The following NPHS1 variants were observed in gnomAD, a reference collection of about 807,000 sequenced individuals.
The protein encoded by NPHS1 is nephrin.
In NPHS1, 107 loss-of-function variants were observed where a neutral mutation model predicts 139.7. The observed-to-expected ratio is 0.77, with a 90% CI of 0.66 to 0.90. The LOEUF is 0.90. NPHS1 is among the 40% of genes least tolerant of loss of function. The probability of loss-of-function intolerance (pLI) is 0.00; values close to 1 mark genes in which losing one functional copy is unlikely to be tolerated. For missense variants in NPHS1, 1,580 were observed against 1,654.2 expected, an observed-to-expected ratio of 0.96 and a Z score of 0.78; for synonymous variants, 707 against 706.6, an observed-to-expected ratio of 1.00 and a Z score of -0.01.
intron 22 of NPHS1, among the ~76,000 whole-genome samples, chr19:35,837,587 TTCTCTC>T (rs58943001): frequency 1.0e-4 from 15 of 149,164 alleles, no homozygotes; most frequent in South Asian, 2.1e-4. Context: ...GCTTCTTTCT[TTCTCTC>T]TCTCTCTCTC....
intron 22 of NPHS1, among the ~76,000 whole-genome samples, chr19:35,837,951 A>AAAAAAC (rs1555761313): frequency 6.6e-6 from 1 of 151,412 alleles, no homozygotes; most frequent in Non-Finnish European, 1.5e-5. Flanking sequence ...AAAAAAAAAA[A>AAAAAAC]AAAAAAAAAC....
Position 35,842,149 on chromosome 19 carries a change from C to A in NPHS1, c.2638G>T (p.Val880Phe). 5.0e-6 allele frequency: 8 copies of A among 1,607,342 alleles called. No homozygotes were observed. Among genetic ancestry groups the A allele is most frequent in the Non-Finnish European group, 6.8e-6 (8 of 1,177,534 alleles). ...NIVFTWTKNG[V>F]PLDLQDPRYT... ...CTGGGATCTTGGAGATCCAGAGGGA[C>A]CCCGTTTTTTGTCCAAGTGAAAACG... The change falls in exon 19 of 29, where the codon GTC becomes TTC. Residue 880 changes from valine to phenylalanine, a missense_variant. By Grantham distance (50) the Val-to-Phe change is conservative. Coordinates refer to ENST00000378910, the MANE Select transcript of NPHS1 (RefSeq NM_004646.4).
intron 17 of NPHS1, 26 bp downstream of exon 17, chr19:35,843,446 C>G: frequency 6.2e-7 from 1 of 1,613,748 alleles, no homozygotes; most frequent in Non-Finnish European, 8.5e-7. Flanking sequence ...GACCCCACCT[C>G]TATTCACCAA....
At chr19:35,827,238 C>T (rs913069894) in intron 28 of NPHS1, among the ~76,000 whole-genome samples, 5 of 151,996 alleles carry the variant, frequency 3.3e-5, no homozygotes, top group African/African-American at 1.2e-4. Context: ...GTCTCAGCCT[C>T]CCAAAGTGCT....
intron 11 of NPHS1, among the ~76,000 whole-genome samples, chr19:35,847,499 C>A (rs1973161556): frequency 6.6e-6 from 1 of 151,636 alleles, no homozygotes; most frequent in Non-Finnish European, 1.5e-5. Context: ...GGATTACAGG[C>A]CCCCGCCACC....
rs757106709 is a variant in NPHS1, at chr19:35,844,100, C to T, written c.2212+3G>A. The T allele has an allele frequency of 3.6e-5, 57 of 1,605,624 alleles. No individual in the cohort carries two copies. The highest frequency in any genetic ancestry group is 3.9e-5 in the Non-Finnish European group (46 of 1,179,258). On this transcript the variant is annotated splice_donor_region_variant and intron_variant, in intron 16 of 28. Coordinates refer to ENST00000378910, the MANE Select transcript of NPHS1 (RefSeq NM_004646.4). ...TGTGGTTTCCATGGTGGGCGGGGCT[C>T]ACAGTGCACGTCCAGCCGCAGCCGC...
rs576056388 is a variant in NPHS1 at position 35,825,634 on chromosome 19, C to T, written c.*880G>A. 1.2e-4 allele frequency among the ~76,000 whole-genome samples: 19 copies of T among 152,228 alleles called. No homozygotes were observed. The highest frequency in any genetic ancestry group is 4.3e-4 in the African/African-American group (18 of 41,538). The stretch of plus-strand genomic sequence containing the variant: ...TTGCCTATTTTAGAATTTCTATAAA[C>T]GAAAGCACACACACAGTACATATTC... On this transcript the variant is annotated 3_prime_UTR_variant, in exon 29 of 29. Transcript: ENST00000378910.
At position 35,825,372 on chromosome 19, in the gene NPHS1, C is replaced by G. The variant is rs1008652732; in HGVS notation, c.*1142G>C. Among the ~76,000 whole-genome samples the G allele has an allele frequency of 2.0e-5, 3 of 151,864 alleles. No homozygotes were observed. The highest frequency in any genetic ancestry group is 4.4e-5 in the Non-Finnish European group (3 of 67,938). ...CTCTTACTGGGCTGTTATTATGAAG[C>G]CTGTTTTTAAAATCACTTTTATTGA... On this transcript the variant is annotated 3_prime_UTR_variant, in exon 29 of 29. Coordinates refer to ENST00000378910, the MANE Select transcript of NPHS1 (RefSeq NM_004646.4).
In NPHS1 at chr19:35,831,554, G is replaced by A. The variant is rs113650287; in HGVS notation, c.3287-54C>T. ...TGACCCTATGCAAGCCCCCCACCCC[G>A]GCCCCAGGAAGACCTTCAGTATGCA... On this transcript the variant is annotated intron_variant, in intron 24 of 28. Coordinates refer to ENST00000378910, the MANE Select transcript of NPHS1 (RefSeq NM_004646.4). The A allele has an allele frequency of 0.12, 178,066 of 1,460,560 alleles. 10,885 individuals are homozygous for A. The highest frequency in any genetic ancestry group is 0.14 in the Middle Eastern group (801 of 5,770). 90.5% of individuals were successfully genotyped at this position (1,460,560 alleles called of 1,614,324 possible). A position where few individuals can be genotyped will look rare whatever the true frequency, so the allele number is the denominator to read the frequency against.
chr19:35,852,304 GTCTCTC>G lies in NPHS1; in HGVS notation c.-473_-468del, dbSNP rs139954720. The stretch of plus-strand genomic sequence containing the variant: ...TGTCTCTGTCTCTTCCTCTCTCTCT[GTCTCTC>G]TCTCTCTCTCTCTCTCAATCTCTAT... On this transcript the variant is annotated 5_prime_UTR_variant, in exon 1 of 29. Transcript: ENST00000378910. 2.6e-4 allele frequency among the ~76,000 whole-genome samples: 38 copies of G among 145,086 alleles called. No individual in the cohort carries two copies. The highest frequency in any genetic ancestry group is 9.1e-4 in the African/African-American group (36 of 39,712).
chr19:35,847,670 TG>T (rs1381548215), intron 11 of NPHS1, among the ~76,000 whole-genome samples: 63 of 149,328 alleles, frequency 4.2e-4, no homozygotes, highest in African/African-American at 1.4e-3. Flanking sequence ...TTTACAGCAT[TG>T]TTTTTTTTTT....
In NPHS1 at chr19:35,852,070, CTTTTTTTTCTTTTTTCTT is replaced by C. The variant is rs1973281510; in HGVS notation, c.-251_-234del. ...CTCTTTCTCTGTCTCTTTAAAAAAACTTTTTTTTCTTTTTTCTTTTTTTTTTCTTTTTTTTTTTTTTAG... is the reference window on the plus strand; with the variant it reads ...CTCTTTCTCTGTCTCTTTAAAAAAACTTTTTTTTCTTTTTTTTTTTTTTAG... On this transcript the variant is annotated 5_prime_UTR_variant, in exon 1 of 29. Coordinates refer to ENST00000378910, the MANE Select transcript of NPHS1 (RefSeq NM_004646.4). 6.7e-6 allele frequency among the ~76,000 whole-genome samples: 1 copy of C among 150,338 alleles called. No homozygotes were observed. Among genetic ancestry groups the C allele is most frequent in the Non-Finnish European group, 1.5e-5 (1 of 67,578 alleles).
intron 11 of NPHS1, among the ~76,000 whole-genome samples, chr19:35,846,556 C>T (rs1269240005): frequency 6.6e-6 from 1 of 152,238 alleles, no homozygotes. Context: ...CTGCAGGAAA[C>T]TCCCTTGAAA....
intron 23 of NPHS1, among the ~76,000 whole-genome samples, chr19:35,833,723 T>C (rs1972914786): frequency 6.6e-6 from 1 of 151,752 alleles, no homozygotes; most frequent in Admixed American, 6.6e-5. Flanking sequence ...TGAGACAGGG[T>C]CTCAACTCTG....
chr19:35,840,280 C>A (rs959512362), intron 20 of NPHS1, among the ~76,000 whole-genome samples: 41 of 151,942 alleles, frequency 2.7e-4, no homozygotes, highest in African/African-American at 9.9e-4. Flanking sequence ...GCTGGGATTA[C>A]AGGCATGAGC....
In NPHS1 at chr19:35,841,757, CG is replaced by C; in HGVS notation, c.2772del (p.Asn924LysfsTer24). ...ATGTTGGTTTGGTCCGAGCCAAGGG[CG>C]TTGGTGGCTGTACATGTGAAGAGGG... ...DYALFTCTATNALGSDQTNIQ... is the reference protein window; with the variant it reads ...DYALFTCTATXALGSDQTNIQ... On this transcript the variant is annotated frameshift_variant, in exon 20 of 29. Transcript: ENST00000378910. LOFTEE classifies it high-confidence loss of function. The C allele has an allele frequency of 6.2e-7, 1 of 1,614,164 alleles. No individual in the cohort carries two copies. The highest frequency in any genetic ancestry group is 8.5e-7 in the Non-Finnish European group (1 of 1,180,046).
At chr19:35,830,213 A>G (rs1972857494) in intron 28 of NPHS1, among the ~76,000 whole-genome samples, 1 of 152,188 alleles carries the variant, frequency 6.6e-6, no homozygotes. Context: ...AGATGTGACC[A>G]TGTGACTCTC....
chr19:35,829,206 T>C (rs1185018115), intron 28 of NPHS1, among the ~76,000 whole-genome samples: 1 of 152,252 alleles, frequency 6.6e-6, no homozygotes, highest in Non-Finnish European at 1.5e-5. Flanking sequence ...AGGCCTCTCC[T>C]GTTAGCATAT....
At chr19:35,838,033 C>T (rs1335795162) in intron 22 of NPHS1, among the ~76,000 whole-genome samples, 1 of 150,852 alleles carries the variant, frequency 6.6e-6, no homozygotes, top group Non-Finnish European at 1.5e-5. Flanking sequence ...TGGTGGATCA[C>T]CTGAGGTCAG....
Sources: gnomAD v4.1 joint callset for allele counts (sites outside exome capture counted in the v4.1 genomes callset) on GRCh38, gnomAD v4.1.1 for gene constraint, MANE v1.5 for transcripts, NCBI Gene and HGNC (gene_info 2026-07-23, HGNC 2026-07-21) for gene names.